The following GABRB1 variants were observed in gnomAD, a reference collection of about 807,000 sequenced individuals.
The protein encoded by GABRB1 is gamma-aminobutyric acid type A receptor subunit beta1, also known as gamma-aminobutyric acid receptor subunit beta-1.
In GABRB1, 17 loss-of-function variants were observed where a neutral mutation model predicts 51.6. That is an observed-to-expected ratio of 0.33 (90% CI 0.23 to 0.49). The LOEUF (loss-of-function observed/expected upper bound fraction) is 0.49, where lower values mean the gene tolerates loss of function less well. Ranked by LOEUF, GABRB1 falls within the 20% of genes least tolerant of loss-of-function variation. The pLI is 0.99. For missense variants in GABRB1, 410 were observed against 600.6 expected, an observed-to-expected ratio of 0.68 and a Z score of 3.32; for synonymous variants, 247 against 218.9, an observed-to-expected ratio of 1.13 and a Z score of -1.14.
At chr4:47,361,060 G>A (rs934470232) in intron 5 of GABRB1, among the ~76,000 whole-genome samples, 7 of 151,896 alleles carry the variant, frequency 4.6e-5, no homozygotes, top group East Asian at 1.9e-4. Flanking sequence ...TGGATACTGC[G>A]GCCAGAATTT....
At chr4:47,068,062 C>T (rs1321923189) in intron 3 of GABRB1, among the ~76,000 whole-genome samples, 2 of 152,160 alleles carry the variant, frequency 1.3e-5, no homozygotes, top group Non-Finnish European at 2.9e-5. Flanking sequence ...AATGTCATTC[C>T]TTTTTATGGC....
chr4:47,273,978 C>T (rs547257908), intron 4 of GABRB1, among the ~76,000 whole-genome samples: 1 of 152,056 alleles, frequency 6.6e-6, no homozygotes, highest in East Asian at 1.9e-4. Context: ...TGCATGCATA[C>T]ACATACATGT....
At chr4:47,397,636 G>A (rs1385978140) in intron 5 of GABRB1, among the ~76,000 whole-genome samples, 5 of 151,676 alleles carry the variant, frequency 3.3e-5, no homozygotes, top group East Asian at 1.9e-4. Flanking sequence ...GTGAAATCTC[G>A]ACTCACTGCA....
chr4:47,028,484 C>T (rs1313073454), upstream of GABRB1, among the ~76,000 whole-genome samples: 1 of 151,734 alleles, frequency 6.6e-6, no homozygotes, highest in Non-Finnish European at 1.5e-5. Context: ...CATTGATTGG[C>T]ATAAACATTT....
intron 4 of GABRB1, among the ~76,000 whole-genome samples, chr4:47,304,985 A>C (rs1261269236): frequency 6.6e-6 from 1 of 152,114 alleles, no homozygotes; most frequent in Non-Finnish European, 1.5e-5. Context: ...TAGATTAATC[A>C]CTGAAGGCCT....
At chr4:47,346,856 T>C (rs543779467) in intron 5 of GABRB1, among the ~76,000 whole-genome samples, 18 of 152,330 alleles carry the variant, frequency 1.2e-4, no homozygotes, top group East Asian at 3.9e-4. Flanking sequence ...TCTTCTCTGA[T>C]TGGTTTTGTA....
intron 3 of GABRB1, among the ~76,000 whole-genome samples, chr4:47,039,359 C>CA (rs10603411): frequency 0.13 from 8,609 of 65,502 alleles, 357 homozygotes; most frequent in East Asian, 0.21. Context: ...AAAGAAAATA[C>CA]AAAAAAAAAA....
At chr4:47,139,775 T>A (rs755337398) in intron 3 of GABRB1, among the ~76,000 whole-genome samples, 4 of 151,996 alleles carry the variant, frequency 2.6e-5, no homozygotes, top group Non-Finnish European at 4.4e-5. Flanking sequence ...AACTGGGTCT[T>A]ATTAAAATGA....
intron 4 of GABRB1, among the ~76,000 whole-genome samples, chr4:47,310,171 T>C (rs1006789544): frequency 1.3e-5 from 2 of 152,196 alleles, no homozygotes; most frequent in Non-Finnish European, 2.9e-5. Context: ...TAAATATTTA[T>C]CTGATGTAAG....
intron 3 of GABRB1, among the ~76,000 whole-genome samples, chr4:47,135,648 T>C (rs1215206626): frequency 1.3e-5 from 2 of 152,156 alleles, no homozygotes; most frequent in Non-Finnish European, 2.9e-5. Flanking sequence ...CATTATTTTC[T>C]GCATCAGTCA....
chr4:47,219,431 TAATTGTGTTA>T (rs1720686745), intron 4 of GABRB1, among the ~76,000 whole-genome samples: 1 of 151,856 alleles, frequency 6.6e-6, no homozygotes, highest in Non-Finnish European at 1.5e-5. Context: ...TAAAATAAAA[TAATTGTGTTA>T]TTATTTTGTA....
intron 5 of GABRB1, among the ~76,000 whole-genome samples, chr4:47,365,260 T>C (rs1726935751): frequency 1.3e-5 from 2 of 152,202 alleles, no homozygotes; most frequent in South Asian, 4.1e-4. Context: ...GCTTCAGCAG[T>C]TTAGATACAG....
At chr4:47,155,458 GAGAAT>G (rs1335180414) in intron 3 of GABRB1, among the ~76,000 whole-genome samples, 2 of 151,998 alleles carry the variant, frequency 1.3e-5, no homozygotes, top group African/African-American at 2.4e-5. Flanking sequence ...TGCCTTTCTT[GAGAAT>G]AGTTAGAAAA....
chr4:47,042,851 G>T (rs1057265972), intron 3 of GABRB1, among the ~76,000 whole-genome samples: 2 of 151,768 alleles, frequency 1.3e-5, no homozygotes, highest in Non-Finnish European at 2.9e-5. Context: ...CATTTTGTAT[G>T]TATACAAAAT....
chr4:47,385,362 C>T (rs1727753324), intron 5 of GABRB1, among the ~76,000 whole-genome samples: 1 of 152,130 alleles, frequency 6.6e-6, no homozygotes, highest in Non-Finnish European at 1.5e-5. Flanking sequence ...AAATTAAGAA[C>T]AAGAGTAAAC....
chr4:47,053,792 G>A (rs1463181566), intron 3 of GABRB1, among the ~76,000 whole-genome samples: 1 of 152,180 alleles, frequency 6.6e-6, no homozygotes, highest in Non-Finnish European at 1.5e-5. Context: ...AAAGGGGTGT[G>A]AGATCTAGGC....
At chr4:47,232,136 G>C (rs1435040864) in intron 4 of GABRB1, among the ~76,000 whole-genome samples, 1 of 152,048 alleles carries the variant, frequency 6.6e-6, no homozygotes, top group Non-Finnish European at 1.5e-5. Flanking sequence ...GCACTTGCCT[G>C]GTGCTTTTAA....
intron 4 of GABRB1, among the ~76,000 whole-genome samples, chr4:47,256,985 G>A (rs1722228585): frequency 6.6e-6 from 1 of 152,142 alleles, no homozygotes; most frequent in Non-Finnish European, 1.5e-5. Flanking sequence ...TACTGTTTCA[G>A]TTATCTTCCA....
chr4:47,385,316 C>A (rs921001505), intron 5 of GABRB1, among the ~76,000 whole-genome samples: 1 of 152,126 alleles, frequency 6.6e-6, no homozygotes, highest in Non-Finnish European at 1.5e-5. Flanking sequence ...CTGTGAAACT[C>A]ATCTTTTTGA....
Sources: allele counts gnomAD v4.1 joint callset (sites outside exome capture counted in the v4.1 genomes callset), GRCh38; gene constraint gnomAD v4.1.1; transcripts MANE v1.5; gene names NCBI Gene and HGNC (gene_info 2026-07-23, HGNC 2026-07-21).